SEMA6D: variants seen among roughly 807,000 people sequenced by gnomAD.
SEMA6D encodes semaphorin 6D, also known as semaphorin-6D.
Under a neutral mutation model 106.6 loss-of-function variants are expected in SEMA6D, and 35 were observed. That is an observed-to-expected ratio of 0.33 (90% CI 0.25 to 0.44). The LOEUF (loss-of-function observed/expected upper bound fraction) is 0.44. Ranked by LOEUF, SEMA6D falls within the 20% of genes least tolerant of loss-of-function variation. The pLI is 1.00. For missense variants in SEMA6D, 1,185 were observed against 1,345.9 expected (o/e 0.88, Z 1.87); for synonymous variants, 499 against 487.7 (o/e 1.02, Z -0.31).
chr15:47,282,025 C>T (rs1282142967), intron 1 of SEMA6D, among the ~76,000 whole-genome samples: 1 of 152,064 alleles, frequency 6.6e-6, no homozygotes, highest in African/African-American at 2.4e-5. Context: ...ACTATACTGC[C>T]TGGCATGGAA....
At chr15:47,409,133 C>T (rs1464668333) in intron 1 of SEMA6D, among the ~76,000 whole-genome samples, 1 of 152,196 alleles carries the variant, frequency 6.6e-6, no homozygotes, top group Admixed American at 6.5e-5. Context: ...CACCTCAGAG[C>T]ACTTTTGCAA....
chr15:47,662,801 C>T (rs926863518), intron 4 of SEMA6D, among the ~76,000 whole-genome samples: 1 of 150,514 alleles, frequency 6.6e-6, no homozygotes, highest in African/African-American at 2.5e-5. Context: ...GGGGGTAGGT[C>T]GTGGGAGAGA....
intron 1 of SEMA6D, among the ~76,000 whole-genome samples, chr15:47,256,266 A>G (rs1169879350): frequency 6.6e-6 from 1 of 152,208 alleles, no homozygotes; most frequent in East Asian, 1.9e-4. Flanking sequence ...AGATTTTGAT[A>G]GAAGTTGCGT....
At chr15:47,514,389 T>C (rs1479295270) in intron 3 of SEMA6D, among the ~76,000 whole-genome samples, 1 of 152,158 alleles carries the variant, frequency 6.6e-6, no homozygotes, top group Non-Finnish European at 1.5e-5. Flanking sequence ...TTCAGCTCTC[T>C]CTTCCAAGTT....
At chr15:47,418,652 C>T (rs1251836997) in intron 2 of SEMA6D, among the ~76,000 whole-genome samples, 20 of 151,976 alleles carry the variant, frequency 1.3e-4, no homozygotes, top group Admixed American at 8.5e-4. Flanking sequence ...AGGATTTTGG[C>T]GGAACATGAA....
intron 4 of SEMA6D, among the ~76,000 whole-genome samples, chr15:47,618,601 T>C (rs1298905699): frequency 6.6e-6 from 1 of 152,214 alleles, no homozygotes; most frequent in African/African-American, 2.4e-5. Context: ...TTTCCCATTA[T>C]AGAAATAGTA....
At chr15:47,196,495 G>A (rs1261075082) in intron 1 of SEMA6D, among the ~76,000 whole-genome samples, 3 of 152,132 alleles carry the variant, frequency 2.0e-5, no homozygotes, top group Non-Finnish European at 4.4e-5. Context: ...AAAATATGGG[G>A]AAATTGAGCA....
At chr15:47,746,225 T>C (rs189974439) in intron 1 of SEMA6D, among the ~76,000 whole-genome samples, 31 of 152,340 alleles carry the variant, frequency 2.0e-4, no homozygotes, top group Middle Eastern at 6.8e-3. Context: ...ACCAACTGTT[T>C]TAAAGCATGA....
chr15:47,262,999 A>C (rs1221029583), intron 1 of SEMA6D, among the ~76,000 whole-genome samples: 1 of 98,680 alleles, frequency 1.0e-5, no homozygotes, highest in Non-Finnish European at 2.6e-5. Context: ...AGCTGTATGC[A>C]GAAGATTAAA....
In SEMA6D at chr15:47,492,093, G is replaced by A. The variant is rs538258524; in HGVS notation, c.-87+21548G>A. 3.3e-5 allele frequency among the ~76,000 whole-genome samples: 5 copies of A among 152,246 alleles called. No individual in the cohort carries two copies. In the South Asian group the frequency reaches 1.0e-3, roughly 32 times the overall value. On this transcript the variant is annotated intron_variant, in intron 3 of 19. Transcript: ENST00000558014. ...AATTAGTGGTTATGATAGAAATAAA[G>A]GCAGATTATCTTAATGTAAGAAAAC...
chr15:47,746,984 G>GTGTATATATATATATATATATATATA (rs1401767590), intron 1 of SEMA6D, among the ~76,000 whole-genome samples: 68 of 122,084 alleles, frequency 5.6e-4, no homozygotes, highest in Non-Finnish European at 9.3e-4. Context: ...GTGTGTGTGT[G>GTGTATATATATATATATATATATATA]TATATATATA....
At chr15:47,451,986 C>T (rs2042208438) in intron 2 of SEMA6D, among the ~76,000 whole-genome samples, 1 of 151,988 alleles carries the variant, frequency 6.6e-6, no homozygotes, top group South Asian at 2.1e-4. Context: ...CAGTTCCCAC[C>T]TGATCGCGTC....
intron 4 of SEMA6D, among the ~76,000 whole-genome samples, chr15:47,610,564 G>A (rs944828833): frequency 5.9e-5 from 9 of 152,226 alleles, no homozygotes; most frequent in African/African-American, 1.9e-4. Context: ...AAACGCCCCC[G>A]CCACCATGTG....
intron 1 of SEMA6D, among the ~76,000 whole-genome samples, chr15:47,257,974 GATTA>G (rs2033893453): frequency 6.6e-6 from 1 of 152,022 alleles, no homozygotes; most frequent in Non-Finnish European, 1.5e-5. Context: ...TATTTTTATT[GATTA>G]ATCATTTTAT....
intron 3 of SEMA6D, among the ~76,000 whole-genome samples, chr15:47,526,913 A>G (rs905581967): frequency 6.6e-6 from 1 of 151,792 alleles, no homozygotes; most frequent in Non-Finnish European, 1.5e-5. Flanking sequence ...ATTTTTTTGT[A>G]TTTTTAGTAG....
chr15:47,362,719 C>A (rs1262736875), intron 1 of SEMA6D, among the ~76,000 whole-genome samples: 1 of 152,182 alleles, frequency 6.6e-6, no homozygotes, highest in Non-Finnish European at 1.5e-5. Context: ...AATGAAGCCC[C>A]CACAGTGGCT....
chr15:47,348,727 C>CCACAGAGAGAGAGAGAGAG (rs1555425939), intron 1 of SEMA6D, among the ~76,000 whole-genome samples: 3 of 57,054 alleles, frequency 5.3e-5, no homozygotes, highest in Middle Eastern at 0.01. Flanking sequence ...ACCACACACA[C>CCACAGAGAGAGAGAGAGAG]AGAGAGAGAG....
intron 3 of SEMA6D, among the ~76,000 whole-genome samples, chr15:47,480,332 G>T (rs988538972): frequency 1.3e-5 from 2 of 151,628 alleles, no homozygotes; most frequent in African/African-American, 4.8e-5. Context: ...TCATAATACT[G>T]TCCCACCCAG....
At chr15:47,410,728 G>T (rs991700406) in intron 1 of SEMA6D, among the ~76,000 whole-genome samples, 5 of 152,120 alleles carry the variant, frequency 3.3e-5, no homozygotes, top group African/African-American at 1.2e-4. Context: ...TCTTTAGGAA[G>T]TAAGGCCAAA....
Sources: allele counts gnomAD v4.1 joint callset (sites outside exome capture counted in the v4.1 genomes callset), GRCh38; gene constraint gnomAD v4.1.1; transcripts MANE v1.5; gene names NCBI Gene and HGNC (gene_info 2026-07-23, HGNC 2026-07-21).